Variants in NXPE1 observed in about 807,000 individuals in gnomAD.
NXPE1 encodes NXPE family member 1.
A neutral mutation model predicts 33.3 loss-of-function variants in NXPE1; 31 were observed. The ratio of observed to expected loss-of-function variants is 0.93; its 90% CI spans 0.70 to 1.26. The LOEUF (loss-of-function observed/expected upper bound fraction) is 1.26, where lower values mean the gene tolerates loss of function less well. NXPE1 is among the 50% of genes most tolerant of loss of function. The pLI is 0.00. For missense variants in NXPE1, 661 were observed against 655.6 expected (o/e 1.01, Z -0.09); for synonymous variants, 229 against 231.4 (o/e 0.99, Z 0.09).
At chr11:114,523,903 T>C (rs1029753177) in intron 7 of NXPE1, among the ~76,000 whole-genome samples, 2 of 152,220 alleles carry the variant, frequency 1.3e-5, no homozygotes, top group African/African-American at 4.8e-5. Flanking sequence ...GGAAACCAGT[T>C]TGAATGCTGT....
At chr11:114,552,224 A>G (rs1429402141) in intron 2 of NXPE1, 139 bp from the exon 3 acceptor site, 1 of 152,292 alleles carries the variant, frequency 6.6e-6, no homozygotes, top group South Asian at 2.1e-4. Flanking sequence ...CTTCTGATTG[A>G]TCTATGACTT....
chr11:114,551,262 C>G, intron 4 of NXPE1, 51 bp from the exon 5 acceptor site: 1 of 1,305,216 alleles, frequency 7.7e-7, no homozygotes, highest in South Asian at 1.4e-5. Flanking sequence ...TCTCTCTGTA[C>G]TCACTCATTA....
chr11:114,519,566 G>T (rs905161328), downstream of NXPE1, among the ~76,000 whole-genome samples: 3 of 152,092 alleles, frequency 2.0e-5, no homozygotes, highest in African/African-American at 7.2e-5. Flanking sequence ...TCTTTCCCGG[G>T]GTGTCAGGGA....
intron 5 of NXPE1, among the ~76,000 whole-genome samples, chr11:114,534,798 C>A (rs548881896): frequency 6.6e-6 from 1 of 152,152 alleles, no homozygotes; most frequent in Non-Finnish European, 1.5e-5. Flanking sequence ...ACCAAATCTA[C>A]GTCTAATTGG....
intron 5 of NXPE1, among the ~76,000 whole-genome samples, chr11:114,542,363 C>A (rs188198073): frequency 6.6e-6 from 1 of 152,058 alleles, no homozygotes. Context: ...TTTCCCAGAT[C>A]GTTCCTAAGG....
At chr11:114,542,455 A>AT in intron 5 of NXPE1, among the ~76,000 whole-genome samples, 1 of 152,324 alleles carries the variant, frequency 6.6e-6, no homozygotes, top group South Asian at 2.1e-4. Context: ...GATGAATCAT[A>AT]TATTTATTTA....
At position 114,537,997 on chromosome 11, in the gene NXPE1, C is replaced by G. The variant is rs1327323012; in HGVS notation, c.100-7089G>C. On this transcript the variant is annotated intron_variant, in intron 5 of 8. Coordinates refer to ENST00000534921, the Ensembl canonical transcript of NXPE1. ...TCAATCCTAAGCCAAAAGAACAAAGCTGGAGGCATCCCGCTACCTGACTTC... is the reference window on the plus strand; with the variant it reads ...TCAATCCTAAGCCAAAAGAACAAAGGTGGAGGCATCCCGCTACCTGACTTC... 5.9e-5 allele frequency among the ~76,000 whole-genome samples: 9 copies of G among 152,292 alleles called. No homozygotes were observed. In the South Asian group the frequency reaches 1.7e-3, roughly 28 times the overall value.
At chr11:114,532,802 A>G (rs1214937592) in intron 5 of NXPE1, among the ~76,000 whole-genome samples, 1 of 152,154 alleles carries the variant, frequency 6.6e-6, no homozygotes, top group Non-Finnish European at 1.5e-5. Context: ...GTCATGGTTG[A>G]TTATGGGTGA....
chr11:114,534,949 A>T (rs1194466573), intron 5 of NXPE1, among the ~76,000 whole-genome samples: 3 of 152,174 alleles, frequency 2.0e-5, no homozygotes, highest in Non-Finnish European at 1.5e-5. Context: ...AGATACTCCT[A>T]GAGAAGAGCA....
At chr11:114,539,998 C>T (rs1171839649) in intron 5 of NXPE1, among the ~76,000 whole-genome samples, 2 of 152,188 alleles carry the variant, frequency 1.3e-5, no homozygotes, top group Non-Finnish European at 1.5e-5. Flanking sequence ...AATATAAAGA[C>T]ATTTATAATT....
intron 5 of NXPE1, among the ~76,000 whole-genome samples, chr11:114,547,050 A>G (rs890592319): frequency 2.0e-5 from 3 of 152,094 alleles, no homozygotes; most frequent in Admixed American, 6.6e-5. Flanking sequence ...GATTCTCCCC[A>G]CTCAAGGAGA....
At chr11:114,523,979 G>C (rs924519910) in intron 7 of NXPE1, among the ~76,000 whole-genome samples, 4 of 152,244 alleles carry the variant, frequency 2.6e-5, no homozygotes, top group Non-Finnish European at 5.9e-5. Flanking sequence ...AACAGGCCTG[G>C]AGTGAGAAGG....
chr11:114,558,384 G>A (rs577018642), intron 1 of NXPE1, among the ~76,000 whole-genome samples: 1 of 152,046 alleles, frequency 6.6e-6, no homozygotes, highest in Non-Finnish European at 1.5e-5. Flanking sequence ...TATTGGGTAC[G>A]TTTGCCTTGT....
At position 114,557,634 on chromosome 11, in the gene NXPE1, C is replaced by CATATAT. The variant is rs4019608; in HGVS notation, c.-211+2158_-211+2163dup. 3.1e-3 allele frequency among the ~76,000 whole-genome samples: 393 copies of CATATAT among 128,326 alleles called. 1 individual carries two copies. Among genetic ancestry groups the CATATAT allele is most frequent in the Admixed American group, 4.8e-3 (57 of 11,912 alleles). The allele number at this position is 128,326 out of a possible 152,430, so 84.2% of individuals were successfully genotyped here. On this transcript the variant is annotated intron_variant, in intron 1 of 8. Coordinates refer to ENST00000534921, the Ensembl canonical transcript of NXPE1. ...ACACCACAATATATTATATATAATA[C>CATATAT]ATATATATATATATATATATATATA...
At chr11:114,546,561 C>T (rs1948291935) in intron 5 of NXPE1, among the ~76,000 whole-genome samples, 1 of 151,578 alleles carries the variant, frequency 6.6e-6, no homozygotes, top group African/African-American at 2.4e-5. Context: ...CTCACCCTCC[C>T]AAAGTGCTAG....
chr11:114,519,470 A>G (rs1339184065), downstream of NXPE1, among the ~76,000 whole-genome samples: 1 of 152,212 alleles, frequency 6.6e-6, no homozygotes, highest in Non-Finnish European at 1.5e-5. Flanking sequence ...GATGTTTACA[A>G]GCTATTAGAG....
intron 5 of NXPE1, among the ~76,000 whole-genome samples, chr11:114,540,650 A>C (rs1565309205): frequency 6.6e-6 from 1 of 151,962 alleles, no homozygotes; most frequent in Admixed American, 6.6e-5. Flanking sequence ...TGCAATGTTC[A>C]ACTCTGAACG....
downstream of NXPE1, among the ~76,000 whole-genome samples, chr11:114,521,281 C>A (rs186084948): frequency 1.3e-5 from 2 of 152,188 alleles, no homozygotes; most frequent in Non-Finnish European, 2.9e-5. Flanking sequence ...TCTTGCATGT[C>A]TCTTTTTGTA....
At chr11:114,521,258 A>G (rs1947205089), downstream of NXPE1, among the ~76,000 whole-genome samples, 1 of 152,076 alleles carries the variant, frequency 6.6e-6, no homozygotes, top group Admixed American at 6.6e-5. Context: ...CACATGAGAG[A>G]TTTTGCTTTT....
Sources: allele counts gnomAD v4.1 joint callset (sites outside exome capture counted in the v4.1 genomes callset), GRCh38; gene constraint gnomAD v4.1.1; transcripts MANE v1.5; gene names NCBI Gene and HGNC (gene_info 2026-07-23, HGNC 2026-07-21).